Variants in UBE3C observed in about 807,000 individuals in gnomAD.
UBE3C encodes the protein ubiquitin-protein ligase E3C.
Under a neutral mutation model 129.4 loss-of-function variants are expected in UBE3C, and 42 were observed. The ratio of observed to expected loss-of-function variants is 0.32; its 90% confidence interval spans 0.25 to 0.42. The LOEUF is 0.42. Among genes scored for constraint, UBE3C ranks in the 10% least tolerant of loss-of-function variants. The pLI, the probability that UBE3C is intolerant of heterozygous loss-of-function variation, is 1.00. For missense variants in UBE3C, 1,049 were observed against 1,319.1 expected (o/e 0.80, Z 3.17); for synonymous variants, 510 against 492.4 (o/e 1.04, Z -0.47).
intron 9 of UBE3C, among the ~76,000 whole-genome samples, chr7:157,184,706 A>G (rs1454378312): frequency 2.0e-5 from 3 of 152,216 alleles, no homozygotes; most frequent in Non-Finnish European, 4.4e-5. Context: ...CAGGGCTTCC[A>G]GGTGAAGTAA....
At chr7:157,151,391 G>C (rs1274756130) in intron 1 of UBE3C, among the ~76,000 whole-genome samples, 1 of 152,218 alleles carries the variant, frequency 6.6e-6, no homozygotes, top group Non-Finnish European at 1.5e-5. Context: ...TGGTGAATGT[G>C]AGTTCACTCG....
At chr7:157,150,471 T>A (rs1230106274) in intron 1 of UBE3C, among the ~76,000 whole-genome samples, 1 of 152,172 alleles carries the variant, frequency 6.6e-6, no homozygotes, top group African/African-American at 2.4e-5. Flanking sequence ...TCTAGTGAAC[T>A]AATATGCATA....
chr7:157,235,633 A>G (rs1455636198), intron 18 of UBE3C, among the ~76,000 whole-genome samples: 3 of 152,206 alleles, frequency 2.0e-5, no homozygotes, highest in Non-Finnish European at 4.4e-5. Context: ...GTGATTTTAA[A>G]CCTTTCTCCC....
chr7:157,228,162 G>A lies in UBE3C; in HGVS notation c.2233+2623G>A, dbSNP rs1295363345. On this transcript the variant is annotated intron_variant, in intron 17 of 22. Coordinates refer to ENST00000348165, the MANE Select transcript of UBE3C (RefSeq NM_014671.3). ...GATGCTCGTTGTCTTATCTCCGAAC[G>A]ATTCTCTGCAGTGTGCATGTTAGCC... Among the ~76,000 whole-genome samples, 5 of 152,298 alleles carry A rather than the reference G, an allele frequency of 3.3e-5. No homozygotes were observed. In the South Asian group the frequency reaches 8.3e-4, roughly 25 times the overall value.
At chr7:157,226,303 T>C (rs374480780) in intron 17 of UBE3C, among the ~76,000 whole-genome samples, 2 of 152,362 alleles carry the variant, frequency 1.3e-5, no homozygotes, top group Admixed American at 6.5e-5. Flanking sequence ...AGAATTATAC[T>C]GTGATAGCAT....
At chr7:157,176,431 C>A (rs937974027) in intron 5 of UBE3C, among the ~76,000 whole-genome samples, 1 of 152,160 alleles carries the variant, frequency 6.6e-6, no homozygotes, top group Admixed American at 6.5e-5. Flanking sequence ...CGTGCCACCA[C>A]GCCCAGCTAA....
Position 157,207,738 on chromosome 7 carries a change from A to C in UBE3C, c.1612A>C (p.Thr538Pro). 6.2e-7 allele frequency: 1 copy of C among 1,613,864 alleles called. No individual in the cohort carries two copies. Among genetic ancestry groups the C allele is most frequent in the Non-Finnish European group, 8.5e-7 (1 of 1,179,964 alleles). ...AAGACAATCATCAATGATGCCTTTT[A>C]CTTTAGAAGAGCTGATAATGTTGTC... ...GQRQSSMMPF[T>P]LEELIMLSRC... Residue 538 changes from threonine (T) to proline (P), a missense_variant, in exon 13 of 23, where the codon ACT becomes CCT. Around this residue, in one of 4 missense-constraint regions of UBE3C, gnomAD observed 314 missense variants for 416.9 expected, o/e 0.75. Transcript: ENST00000348165.
At chr7:157,152,774 C>T (rs1468298085) in intron 1 of UBE3C, among the ~76,000 whole-genome samples, 1 of 152,178 alleles carries the variant, frequency 6.6e-6, no homozygotes, top group African/African-American at 2.4e-5. Context: ...CTTCTGTCTC[C>T]TGCTTTACTT....
chr7:157,267,792 TGC>T lies in UBE3C; in HGVS notation c.*38_*39del. On this transcript the variant is annotated 3_prime_UTR_variant, in exon 23 of 23. Coordinates refer to ENST00000348165, the MANE Select transcript of UBE3C (RefSeq NM_014671.3). ...GGGTCAGACCCCTACAGAGAACCAG[TGC>T]TTCCTTCGTCAGCAGCGCCTCCCCA... is the stretch of plus-strand genomic sequence containing the variant. 6.6e-7 allele frequency: 1 copy of T among 1,519,226 alleles called. No homozygotes were observed. Among genetic ancestry groups the T allele is most frequent in the South Asian group, 1.3e-5 (1 of 75,340 alleles). 94.1% of individuals were successfully genotyped at this position (1,519,226 alleles called of 1,614,324 possible).
intron 18 of UBE3C, among the ~76,000 whole-genome samples, chr7:157,233,742 A>T (rs1443505728): frequency 6.6e-6 from 1 of 152,240 alleles, no homozygotes; most frequent in Admixed American, 6.5e-5. Context: ...TCTTGGGCAT[A>T]TACCTAGACA....
rs1808834489 is a variant in UBE3C at position 157,187,338 on chromosome 7, CAT to C, written c.1331+320_1331+321del. Among the ~76,000 whole-genome samples, 3 of 151,460 alleles carry C rather than the reference CAT, an allele frequency of 2.0e-5. No individual in the cohort carries two copies. The South Asian group carries it at 6.2e-4, about 32-fold the overall frequency. On this transcript the variant is annotated intron_variant, in intron 10 of 22. Transcript: ENST00000348165. ...CCTGCATTAGTGAAACACTATGTTA[CAT>C]ATCTTTTTAGGCTTTTTTCATAGTA...
At chr7:157,248,928 C>T (rs1011772744) in intron 19 of UBE3C, among the ~76,000 whole-genome samples, 1 of 152,212 alleles carries the variant, frequency 6.6e-6, no homozygotes, top group Non-Finnish European at 1.5e-5. Context: ...TTAGTCCTCA[C>T]TCCTTGCCCG....
intron 15 of UBE3C, 101 bp downstream of exon 15, chr7:157,220,877 C>T: frequency 7.7e-7 from 1 of 1,305,740 alleles, no homozygotes; most frequent in Non-Finnish European, 1.0e-6. Context: ...ACTTATACAG[C>T]CATGTCACTC....
chr7:157,184,962 G>A (rs1351976446), intron 9 of UBE3C, among the ~76,000 whole-genome samples: 2 of 152,204 alleles, frequency 1.3e-5, no homozygotes, highest in African/African-American at 4.8e-5. Flanking sequence ...ATAGTGGACA[G>A]TGGATGCTGG....
At position 157,216,900 on chromosome 7, in the gene UBE3C, A is replaced by T. The variant is rs1795594170; in HGVS notation, c.1843A>T (p.Arg615Ter). ...ITNLVKMLKSRDTRRNFCPPN... is the reference protein window; with the variant it reads ...ITNLVKMLKS ...CAATCTAGTGAAAATGTTGAAGTCC[A>T]GAGACACGAGGAGAAATTTTTGTCC... The change falls in exon 14 of 23, where the codon AGA becomes TGA. Residue 615 changes from arginine to a stop codon, truncating the protein, a stop_gained. Coordinates refer to ENST00000348165, the MANE Select transcript of UBE3C (RefSeq NM_014671.3). LOFTEE classifies it high-confidence loss of function. 6.2e-7 allele frequency: 1 copy of T among 1,614,014 alleles called. No homozygotes were observed.
chr7:157,142,236 C>T (rs767374283), intron 1 of UBE3C, among the ~76,000 whole-genome samples: 13 of 152,174 alleles, frequency 8.5e-5, no homozygotes. Flanking sequence ...TTTCTCATGT[C>T]TTAAATTATT....
chr7:157,181,406 C>G (rs1422236744), intron 6 of UBE3C, 112 bp from the exon 7 acceptor site: 2 of 922,324 alleles, frequency 2.2e-6, no homozygotes, highest in African/African-American at 3.4e-5. Context: ...TGTTAAAGAA[C>G]TAACTTAAGT....
chr7:157,140,423 T>C (rs1157169294), intron 1 of UBE3C, among the ~76,000 whole-genome samples: 2 of 152,126 alleles, frequency 1.3e-5, no homozygotes, highest in African/African-American at 4.8e-5. Flanking sequence ...TTGAGGTTCG[T>C]GTGATGGTGA....
Position 157,175,795 on chromosome 7 carries a change from C to T in UBE3C, c.458+761C>T, listed in dbSNP as rs184020437. On this transcript the variant is annotated intron_variant, in intron 5 of 22. Coordinates refer to ENST00000348165, the MANE Select transcript of UBE3C (RefSeq NM_014671.3). ...TAGATGCCAGTAATTCATATTTTTT[C>T]TAACTTATTTCTTTAATAAACTTTT... Among the ~76,000 whole-genome samples the T allele has an allele frequency of 3.0e-3, 463 of 152,182 alleles. 9 individuals carry two copies. Among genetic ancestry groups the T allele is most frequent in the Non-Finnish European group, 6.8e-4 (46 of 68,004 alleles).
Sources: gnomAD v4.1 joint callset for allele counts (sites outside exome capture counted in the v4.1 genomes callset) on GRCh38, gnomAD v4.1.1 for gene constraint, gnomAD v4.1.1 regional missense constraint, MANE v1.5 for transcripts, NCBI Gene and HGNC (gene_info 2026-07-23, HGNC 2026-07-21) for gene names.